The following SPTSSA variants were observed in gnomAD, a reference collection of about 807,000 sequenced individuals.
The protein encoded by SPTSSA is small subunit of serine palmitoyltransferase A.
SPTSSA carries 8 observed loss-of-function variants against 9.1 expected under a neutral mutation model. The ratio of observed to expected loss-of-function variants is 0.88; its 90% CI spans 0.51 to 1.58. The LOEUF (loss-of-function observed/expected upper bound fraction) is 1.58, where lower values mean the gene tolerates loss of function less well. Ranked by LOEUF, SPTSSA falls within the 40% of genes most tolerant of loss-of-function variation. SPTSSA has a pLI of 0.00. For missense variants in SPTSSA, 100 were observed against 93.8 expected, an observed-to-expected ratio of 1.07 and a Z score of -0.27; for synonymous variants, 42 against 37.7, an observed-to-expected ratio of 1.11 and a Z score of -0.41.
chr14:34,446,089 GTAT>G (rs1883414661), intron 1 of SPTSSA, among the ~76,000 whole-genome samples: 1 of 152,170 alleles, frequency 6.6e-6, no homozygotes, highest in African/African-American at 2.4e-5. Flanking sequence ...ACACTACAGT[GTAT>G]TTTCACCAGG....
chr14:34,452,169 C>A (rs949335378), intron 1 of SPTSSA, among the ~76,000 whole-genome samples: 1 of 150,620 alleles, frequency 6.6e-6, no homozygotes, highest in Admixed American at 6.7e-5. Flanking sequence ...GAATTTGAAC[C>A]CGGGAGGCGG....
At chr14:34,460,429 A>G (rs1412342943) in intron 1 of SPTSSA, among the ~76,000 whole-genome samples, 1 of 152,182 alleles carries the variant, frequency 6.6e-6, no homozygotes, top group Non-Finnish European at 1.5e-5. Context: ...CTAAGGCACT[A>G]TATTTCATTT....
chr14:34,459,652 G>A (rs1261887774), intron 1 of SPTSSA, among the ~76,000 whole-genome samples: 2 of 151,656 alleles, frequency 1.3e-5, no homozygotes, highest in African/African-American at 4.9e-5. Context: ...GTGGTGGCAG[G>A]CACCTGTAAT....
At chr14:34,436,816 C>G (rs1368421882) in intron 1 of SPTSSA, among the ~76,000 whole-genome samples, 1 of 152,130 alleles carries the variant, frequency 6.6e-6, no homozygotes, top group Non-Finnish European at 1.5e-5. Flanking sequence ...TAAACTCATT[C>G]TCTTCATCCA....
intron 1 of SPTSSA, among the ~76,000 whole-genome samples, chr14:34,437,791 AAACT>A (rs1267428660): frequency 1.3e-5 from 2 of 152,144 alleles, no homozygotes; most frequent in Non-Finnish European, 2.9e-5. Context: ...TTTACATACT[AAACT>A]AATAAATCCC....
chr14:34,443,666 G>T (rs932333486), intron 1 of SPTSSA, among the ~76,000 whole-genome samples: 10 of 151,948 alleles, frequency 6.6e-5, no homozygotes, highest in Admixed American at 5.9e-4. Context: ...CCCCCAAGTA[G>T]CTGGGATTAC....
chr14:34,449,860 T>C (rs1883489816), intron 1 of SPTSSA, among the ~76,000 whole-genome samples: 1 of 152,228 alleles, frequency 6.6e-6, no homozygotes, highest in Non-Finnish European at 1.5e-5. Context: ...AACATATACA[T>C]AACAGAGTAT....
rs115950839 is a variant in SPTSSA, at chr14:34,462,076, G to A, written c.112+20C>T. ...CGCGCCCCCAGCCCGGCCCCCGCGC[G>A]CGCGGCCGGGACAGGATACTGAACA... On this transcript the variant is annotated intron_variant, in intron 1 of 1. Transcript: ENST00000298130. The A allele has an allele frequency of 2.2e-3, 3,044 of 1,359,758 alleles. 68 individuals carry two copies. The African/African-American group carries it at 0.042, about 19-fold the overall frequency. 84.2% of individuals were successfully genotyped at this position (1,359,758 alleles called of 1,614,324 possible). A position where few individuals can be genotyped will look rare whatever the true frequency, so the allele number is the denominator to read the frequency against.
intron 1 of SPTSSA, among the ~76,000 whole-genome samples, chr14:34,447,053 G>A (rs950959765): frequency 5.3e-5 from 8 of 151,546 alleles, no homozygotes; most frequent in South Asian, 2.1e-4. Context: ...GTGAAACCGC[G>A]TCTCTACTAA....
At position 34,451,445 on chromosome 14, in the gene SPTSSA, T is replaced by C. The variant is rs139396761; in HGVS notation, c.112+10651A>G. Among the ~76,000 whole-genome samples, 782 of 152,272 alleles carry C rather than the reference T, an allele frequency of 5.1e-3. 5 individuals carry two copies. Among genetic ancestry groups the C allele is most frequent in the African/African-American group, 0.016 (675 of 41,568 alleles). On this transcript the variant is annotated intron_variant, in intron 1 of 1. Coordinates refer to ENST00000298130, the MANE Select transcript of SPTSSA (RefSeq NM_138288.4). ...TTCTTTTGTAAAATCAATTCTAGGC[T>C]GGGCGCGGTAGCTCACACCTGTAAT...
chr14:34,443,171 G>GTGTGTGTGTGTGTGT (rs775781106), intron 1 of SPTSSA, among the ~76,000 whole-genome samples: 4 of 62,126 alleles, frequency 6.4e-5, no homozygotes, highest in African/African-American at 3.1e-4. Flanking sequence ...GTGTGTGTGT[G>GTGTGTGTGTGTGTGT]TTTTGAGATT....
At position 34,456,714 on chromosome 14, in the gene SPTSSA, A is replaced by G. The variant is rs933649440; in HGVS notation, c.112+5382T>C. On this transcript the variant is annotated intron_variant, in intron 1 of 1. Transcript: ENST00000298130. ...GAAGTTCAAGACCAGCCTGGCCAACATGGTGAAATCTTGTCTCTACTAAAA... is the reference window on the plus strand; with the variant it reads ...GAAGTTCAAGACCAGCCTGGCCAACGTGGTGAAATCTTGTCTCTACTAAAA... Among the ~76,000 whole-genome samples, 5 of 151,970 alleles carry G rather than the reference A, an allele frequency of 3.3e-5. No individual in the cohort carries two copies. The East Asian group carries it at 7.8e-4, about 24-fold the overall frequency.
chr14:34,446,917 G>A (rs948786729), intron 1 of SPTSSA, among the ~76,000 whole-genome samples: 2 of 152,016 alleles, frequency 1.3e-5, no homozygotes, highest in East Asian at 3.9e-4. Context: ...CAGTTGTAGG[G>A]GATTAATGAA....
chr14:34,457,989 A>C (rs1047062131), intron 1 of SPTSSA, among the ~76,000 whole-genome samples: 4 of 141,332 alleles, frequency 2.8e-5, no homozygotes, highest in East Asian at 2.1e-4. Flanking sequence ...AAAAAAAAAA[A>C]ACAAAGAAAA....
chr14:34,443,138 T>G (rs1286261465), intron 1 of SPTSSA, among the ~76,000 whole-genome samples: 25 of 76,548 alleles, frequency 3.3e-4, no homozygotes, highest in South Asian at 1.0e-3. Flanking sequence ...TCTAGGGGTG[T>G]GTGTGTGTGT....
chr14:34,457,887 G>C (rs1004611973), intron 1 of SPTSSA, among the ~76,000 whole-genome samples: 3 of 147,678 alleles, frequency 2.0e-5, no homozygotes, highest in Non-Finnish European at 3.0e-5. Flanking sequence ...CAGGAGAATC[G>C]CCTGAATCCC....
intron 1 of SPTSSA, among the ~76,000 whole-genome samples, chr14:34,458,394 G>A (rs1878534759): frequency 6.6e-6 from 1 of 152,088 alleles, no homozygotes; most frequent in Non-Finnish European, 1.5e-5. Flanking sequence ...ATGTTTTCTA[G>A]GCTGGTCTCA....
intron 1 of SPTSSA, among the ~76,000 whole-genome samples, chr14:34,439,407 G>A (rs928579762): frequency 2.0e-5 from 3 of 152,100 alleles, no homozygotes; most frequent in Non-Finnish European, 4.4e-5. Flanking sequence ...GGAGGCCGAG[G>A]TGGGAGGATT....
chr14:34,447,971 C>CCTCCACTATACAGAGCAGAGCAAGTGT (rs1594621895), intron 1 of SPTSSA, among the ~76,000 whole-genome samples: 1 of 151,950 alleles, frequency 6.6e-6, no homozygotes, highest in African/African-American at 2.4e-5. Flanking sequence ...AGCTACCCTG[C>CCTCCACTATACAGAGCAGAGCAAGTGT]TGGCAGGGCA....
Sources: gnomAD v4.1 joint callset for allele counts (sites outside exome capture counted in the v4.1 genomes callset) on GRCh38, gnomAD v4.1.1 for gene constraint, MANE v1.5 for transcripts, NCBI Gene and HGNC (gene_info 2026-07-23, HGNC 2026-07-21) for gene names.